Variants in SGCZ observed in about 807,000 individuals in gnomAD.
The protein encoded by SGCZ is sarcoglycan zeta.
A neutral mutation model predicts 41.3 loss-of-function variants in SGCZ; 40 were observed. That is an observed-to-expected ratio of 0.97 (90% CI 0.75 to 1.26). The LOEUF (loss-of-function observed/expected upper bound fraction) is 1.26, where lower values mean the gene tolerates loss of function less well. Ranked by LOEUF, SGCZ falls within the 50% of genes most tolerant of loss-of-function variation. SGCZ has a pLI of 0.00. For synonymous variants in SGCZ, 206 were observed against 137.5 expected (o/e 1.50, Z -3.49); for missense variants, 552 against 369.8 (o/e 1.49, Z -4.04).
At chr8:14,809,309 C>T (rs1029367811) in intron 1 of SGCZ, among the ~76,000 whole-genome samples, 2 of 151,938 alleles carry the variant, frequency 1.3e-5, no homozygotes, top group African/African-American at 4.8e-5. Context: ...AAGAAAATTT[C>T]ATCATGAATA....
chr8:15,139,651 A>T (rs1022413304), intron 1 of SGCZ, among the ~76,000 whole-genome samples: 1 of 150,694 alleles, frequency 6.6e-6, no homozygotes, highest in Non-Finnish European at 1.5e-5. Context: ...TACTTATTTA[A>T]CCAAAATTCC....
At chr8:14,654,074 AAG>A (rs760309165) in intron 1 of SGCZ, among the ~76,000 whole-genome samples, 1 of 152,118 alleles carries the variant, frequency 6.6e-6, no homozygotes, top group Non-Finnish European at 1.5e-5. Context: ...CCAAAATAAT[AAG>A]AGTCATAGAA....
At chr8:14,381,569 G>C (rs1221022631) in intron 2 of SGCZ, among the ~76,000 whole-genome samples, 1 of 151,774 alleles carries the variant, frequency 6.6e-6, no homozygotes, top group Non-Finnish European at 1.5e-5. Context: ...GAGCCCAGGA[G>C]TCTGAGAACA....
intron 2 of SGCZ, among the ~76,000 whole-genome samples, chr8:14,405,146 A>G (rs1360600582): frequency 6.6e-6 from 1 of 152,162 alleles, no homozygotes; most frequent in Non-Finnish European, 1.5e-5. Context: ...TTCACTTTGA[A>G]TTGCCTTATC....
intron 2 of SGCZ, among the ~76,000 whole-genome samples, chr8:14,359,826 AAAAC>A (rs1803441745): frequency 6.6e-6 from 1 of 152,030 alleles, no homozygotes; most frequent in African/African-American, 2.4e-5. Flanking sequence ...AAAAAAAAAA[AAAAC>A]AAATATCCCG....
Position 14,797,452 on chromosome 8 carries a change from A to G in SGCZ, c.40-242526T>C, listed in dbSNP as rs190570681. On this transcript the variant is annotated intron_variant, in intron 1 of 7. Transcript: ENST00000382080. ...GCCCTATCTTAGAGCTCTGTGTAACACTGAACTTGAGAGAGATTATTTAGG... is the reference window on the plus strand; with the variant it reads ...GCCCTATCTTAGAGCTCTGTGTAACGCTGAACTTGAGAGAGATTATTTAGG... Among the ~76,000 whole-genome samples the G allele has an allele frequency of 2.8e-3, 421 of 152,276 alleles. 3 individuals carry two copies. The highest frequency in any genetic ancestry group is 9.6e-3 in the African/African-American group (398 of 41,556).
At chr8:14,111,317 T>C (rs985515971) in intron 5 of SGCZ, among the ~76,000 whole-genome samples, 2 of 152,160 alleles carry the variant, frequency 1.3e-5, no homozygotes, top group Non-Finnish European at 2.9e-5. Context: ...ATATACTTGA[T>C]CTGGAAACCC....
intron 1 of SGCZ, among the ~76,000 whole-genome samples, chr8:14,860,198 CTTT>C (rs373708249): frequency 6.8e-6 from 1 of 147,926 alleles, no homozygotes; most frequent in Non-Finnish European, 1.5e-5. Flanking sequence ...TTTTTTTTGT[CTTT>C]TTTTTTTCTT....
At chr8:14,848,913 G>T (rs971026721) in intron 1 of SGCZ, among the ~76,000 whole-genome samples, 14 of 152,060 alleles carry the variant, frequency 9.2e-5, no homozygotes, top group African/African-American at 3.4e-4. Context: ...CAAGCTACAA[G>T]CTATAAGGAT....
rs142344908 is a variant in SGCZ, at chr8:15,077,521, T to G, written c.39+160064A>C. 3.9e-3 allele frequency among the ~76,000 whole-genome samples: 590 copies of G among 152,324 alleles called. 9 individuals are homozygous for G. Among genetic ancestry groups the G allele is most frequent in the African/African-American group, 0.014 (577 of 41,580 alleles). On this transcript the variant is annotated intron_variant, in intron 1 of 7. Coordinates refer to ENST00000382080, the MANE Select transcript of SGCZ (RefSeq NM_139167.4). ...CCATATGGCAGTCAATCAAAGAAAT[T>G]GAATTTTTCTAACTGAAGGAGAAGA...
At chr8:14,358,620 A>T (rs577934177) in intron 2 of SGCZ, among the ~76,000 whole-genome samples, 7 of 152,154 alleles carry the variant, frequency 4.6e-5, no homozygotes, top group African/African-American at 1.7e-4. Context: ...GTATATATAT[A>T]TATTTTTTTG....
chr8:14,416,913 A>G (rs1799508150), intron 2 of SGCZ, among the ~76,000 whole-genome samples: 1 of 151,896 alleles, frequency 6.6e-6, no homozygotes, highest in African/African-American at 2.4e-5. Flanking sequence ...ATTATGAGGA[A>G]AAAAAGAGCA....
rs369730330 is a variant in SGCZ, at chr8:14,957,701, C to T, written c.39+279884G>A. On this transcript the variant is annotated intron_variant, in intron 1 of 7. Coordinates refer to ENST00000382080, the MANE Select transcript of SGCZ (RefSeq NM_139167.4). ...AATTATTTTAATCCCTCTATTTTTACGGCAAATTTTATATATTGCAAATTC... is the reference window on the plus strand; with the variant it reads ...AATTATTTTAATCCCTCTATTTTTATGGCAAATTTTATATATTGCAAATTC... Among the ~76,000 whole-genome samples the T allele has an allele frequency of 1.9e-4, 29 of 151,912 alleles. 1 individual carries two copies. Among genetic ancestry groups the T allele is most frequent in the Admixed American group, 1.1e-3 (17 of 15,240 alleles).
intron 1 of SGCZ, among the ~76,000 whole-genome samples, chr8:15,180,686 C>A (rs916412800): frequency 6.6e-6 from 1 of 151,946 alleles, no homozygotes; most frequent in African/African-American, 2.4e-5. Flanking sequence ...GAGTTCAAGA[C>A]CATCCTGGCT....
At chr8:15,059,476 C>T (rs541113454) in intron 1 of SGCZ, among the ~76,000 whole-genome samples, 4 of 152,102 alleles carry the variant, frequency 2.6e-5, no homozygotes, top group Non-Finnish European at 5.9e-5. Context: ...CTTTTAGATC[C>T]TCCATAAAAG....
intron 2 of SGCZ, among the ~76,000 whole-genome samples, chr8:14,528,104 C>T (rs1305279179): frequency 6.6e-6 from 1 of 151,878 alleles, no homozygotes; most frequent in East Asian, 1.9e-4. Flanking sequence ...CTTACTTGTA[C>T]ACATAATACT....
chr8:14,409,665 C>T (rs922068587), intron 2 of SGCZ, among the ~76,000 whole-genome samples: 7 of 152,076 alleles, frequency 4.6e-5, no homozygotes, highest in Admixed American at 6.6e-5. Context: ...GCAAAAATAG[C>T]TAACGCTAAC....
intron 1 of SGCZ, among the ~76,000 whole-genome samples, chr8:14,971,087 T>C (rs748898093): frequency 5.9e-5 from 9 of 152,228 alleles, no homozygotes; most frequent in Non-Finnish European, 1.2e-4. Flanking sequence ...TGCTAGTTTA[T>C]GAAAATACAA....
intron 1 of SGCZ, among the ~76,000 whole-genome samples, chr8:14,721,959 C>A (rs1021145884): frequency 6.6e-6 from 1 of 152,134 alleles, no homozygotes; most frequent in Non-Finnish European, 1.5e-5. Context: ...TTCTCACTGG[C>A]CCTTCTGCCT....
Sources: gnomAD v4.1 joint callset for allele counts (sites outside exome capture counted in the v4.1 genomes callset) on GRCh38, gnomAD v4.1.1 for gene constraint, MANE v1.5 for transcripts, NCBI Gene and HGNC (gene_info 2026-07-23, HGNC 2026-07-21) for gene names.